Variants in ZNF777 observed in about 807,000 individuals in gnomAD.
ZNF777 encodes the protein zinc finger protein 777.
Under a neutral mutation model 72.1 loss-of-function variants are expected in ZNF777, and 7 were observed. That is an observed-to-expected ratio of 0.10 (90% CI 0.06 to 0.18). ZNF777 has a LOEUF of 0.18. ZNF777 is among the 10% of genes least tolerant of loss of function. The probability of loss-of-function intolerance (pLI) is 1.00; values close to 1 mark genes in which losing one functional copy is unlikely to be tolerated. For synonymous variants in ZNF777, 545 were observed against 483.5 expected, an observed-to-expected ratio of 1.13 and a Z score of -1.67; for missense variants, 828 against 1,128.6, an observed-to-expected ratio of 0.73 and a Z score of 3.82.
At position 149,455,398 on chromosome 7, in the gene ZNF777, G is replaced by C. The variant is rs765958581; in HGVS notation, c.625C>G (p.Leu209Val). 4.3e-6 allele frequency: 7 copies of C among 1,614,102 alleles called. No individual in the cohort carries two copies. In the African/African-American group the frequency reaches 8.0e-5, roughly 18 times the overall value. The stretch of plus-strand genomic sequence containing the variant: ...TCATTTGTCCCCGTCCTGCCTTCCA[G>C]GGTCAGTAGCCTCATGGCCTGGGCC... ...LEAQAMRLLTLEGRTGTNEKK... is the reference protein window; with the variant it reads ...LEAQAMRLLTVEGRTGTNEKK... The change falls in exon 2 of 6, where the codon CTG becomes GTG. Residue 209 changes from leucine to valine, a missense_variant. Around this residue, in one of 12 missense-constraint regions of ZNF777, gnomAD observed 76 missense variants for 157.3 expected, o/e 0.48. Coordinates refer to ENST00000247930, the MANE Select transcript of ZNF777 (RefSeq NM_015694.3). This position sits in a 1 kb window ranked among gnomAD's most constrained non-coding sequence, Gnocchi z 4.2.
chr7:149,434,630 T>G (rs1799382038), intron 5 of ZNF777, among the ~76,000 whole-genome samples: 1 of 152,232 alleles, frequency 6.6e-6, no homozygotes, highest in Non-Finnish European at 1.5e-5. Flanking sequence ...TCGCTCAGGC[T>G]GGAGTGCAGT....
intron 4 of ZNF777, among the ~76,000 whole-genome samples, chr7:149,442,294 CACACACACAG>C (rs1368889170): frequency 4.0e-5 from 6 of 149,926 alleles, no homozygotes; most frequent in Non-Finnish European, 7.4e-5. Context: ...CACACACACA[CACACACACAG>C]ACACACACAC....
In ZNF777 at chr7:149,448,528, CATATAGTTA is replaced by C. The variant is rs1799650945; in HGVS notation, c.1087+2462_1087+2470del. Among the ~76,000 whole-genome samples the C allele has an allele frequency of 3.4e-5, 4 of 116,696 alleles. No homozygotes were observed. The South Asian group carries it at 1.0e-3, about 30-fold the overall frequency. 76.6% of individuals were successfully genotyped at this position (116,696 alleles called of 152,430 possible). On this transcript the variant is annotated intron_variant, in intron 4 of 5. Transcript: ENST00000247930. ...ATATATATAACTATATATAGTTATA[CATATAGTTA>C]TATATATAGTTATACATATAGTTAT...
chr7:149,452,598 A>C (rs1176337522), intron 3 of ZNF777, among the ~76,000 whole-genome samples: 1 of 150,010 alleles, frequency 6.7e-6, no homozygotes, highest in Non-Finnish European at 1.5e-5. Flanking sequence ...GTGCCACTGC[A>C]CTCCAGCCTG....
intron 4 of ZNF777, among the ~76,000 whole-genome samples, chr7:149,447,501 C>G (rs1416798657): frequency 6.6e-6 from 1 of 152,332 alleles, no homozygotes; most frequent in East Asian, 1.9e-4. Flanking sequence ...TGGGGGCCAC[C>G]CTTAGCACCT....
chr7:149,435,896 T>G (rs1290857436), intron 5 of ZNF777, among the ~76,000 whole-genome samples: 1 of 152,200 alleles, frequency 6.6e-6, no homozygotes, highest in Admixed American at 6.5e-5. Flanking sequence ...CTAACTTGAG[T>G]AAAATATTTA....
chr7:149,441,021 C>T (rs1395289201), intron 4 of ZNF777, among the ~76,000 whole-genome samples: 2 of 152,156 alleles, frequency 1.3e-5, no homozygotes, highest in African/African-American at 4.8e-5. Flanking sequence ...CTTTGTGGCA[C>T]ATACTCTACT....
rs1161365875 is a variant in ZNF777 at position 149,431,694 on chromosome 7, G to A, written c.*82C>T. The A allele has an allele frequency of 6.1e-6, 7 of 1,150,012 alleles. No homozygotes were observed. Among genetic ancestry groups the A allele is most frequent in the Admixed American group, 5.5e-5 (1 of 18,254 alleles). The allele number at this position is 1,150,012 out of a possible 1,614,324, so 71.2% of individuals were successfully genotyped here. A position where few individuals can be genotyped will look rare whatever the true frequency, so the allele number is the denominator to read the frequency against. On this transcript the variant is annotated 3_prime_UTR_variant, in exon 6 of 6. Transcript: ENST00000247930. Reference sequence around the variant, plus strand: ...AGGGGCTGGGGGGCGCCCCGCCCCCGCCCGCTGGGCTCGGGCCTGGCGGTG... The same window carrying A: ...AGGGGCTGGGGGGCGCCCCGCCCCCACCCGCTGGGCTCGGGCCTGGCGGTG...
intron 4 of ZNF777, among the ~76,000 whole-genome samples, chr7:149,449,453 A>G (rs904870139): frequency 2.6e-5 from 4 of 152,234 alleles, no homozygotes; most frequent in Admixed American, 2.6e-4. Context: ...AAAAGCAGAC[A>G]GAGAAAGGGG....
chr7:149,458,393 C>T (rs1799874127), intron 1 of ZNF777, among the ~76,000 whole-genome samples: 1 of 152,072 alleles, frequency 6.6e-6, no homozygotes, highest in Admixed American at 6.6e-5. Context: ...CAGCCCTTGC[C>T]TTAGAGGGAG....
In ZNF777 at chr7:149,455,102, ATATTACAC is replaced by A; in HGVS notation, c.846+67_846+74del. ...CCTTTATCAACCACCCCTTTCTTTC[ATATTACAC>A]TACATTCCTAAACCACACTCCAATT... On this transcript the variant is annotated intron_variant, in intron 2 of 5. Coordinates refer to ENST00000247930, the MANE Select transcript of ZNF777 (RefSeq NM_015694.3). The surrounding 1 kb of genome is among the most constrained non-coding windows in gnomAD (Gnocchi z 4.2). The A allele has an allele frequency of 6.6e-7, 1 of 1,511,118 alleles. No individual in the cohort carries two copies. The highest frequency in any genetic ancestry group is 1.3e-5 in the South Asian group (1 of 74,756). The allele number at this position is 1,511,118 out of a possible 1,614,324, so 93.6% of individuals were successfully genotyped here.
chr7:149,441,942 C>T (rs1799524015), intron 4 of ZNF777, among the ~76,000 whole-genome samples: 1 of 151,902 alleles, frequency 6.6e-6, no homozygotes, highest in African/African-American at 2.4e-5. Context: ...AATATTTCTA[C>T]ACTTGATACG....
rs540653810 is a variant in ZNF777 at position 149,431,752 on chromosome 7, GGGC to G, written c.*21_*23del. The G allele has an allele frequency of 2.1e-4, 300 of 1,426,024 alleles. No individual in the cohort carries two copies. Among genetic ancestry groups the G allele is most frequent in the Admixed American group, 9.5e-4 (32 of 33,842 alleles). The allele number at this position is 1,426,024 out of a possible 1,614,324, so 88.3% of individuals were successfully genotyped here. A position where few individuals can be genotyped will look rare whatever the true frequency, so the allele number is the denominator to read the frequency against. On this transcript the variant is annotated 3_prime_UTR_variant, in exon 6 of 6. Transcript: ENST00000247930. The stretch of plus-strand genomic sequence containing the variant: ...GGGGGCACGGCCCGCGCACCTGGCC[GGGC>G]GGCGGCGGCGGGGCGCGCGCTCACT...
At chr7:149,459,787 C>T (rs1799909911) in intron 1 of ZNF777, 1 of 984,928 alleles carries the variant, frequency 1.0e-6, no homozygotes, top group Non-Finnish European at 1.2e-6. Flanking sequence ...GGGCCGAGCT[C>T]TGCGGAAAAC....
chr7:149,449,149 G>A (rs189662987), intron 4 of ZNF777, among the ~76,000 whole-genome samples: 23 of 152,310 alleles, frequency 1.5e-4, no homozygotes, highest in Admixed American at 2.6e-4. Flanking sequence ...TGGCGAGGCC[G>A]GGGCCTTTGG....
chr7:149,448,477 A>T (rs1217342630), intron 4 of ZNF777, among the ~76,000 whole-genome samples: 1 of 85,308 alleles, frequency 1.2e-5, no homozygotes, highest in Non-Finnish European at 2.3e-5. Context: ...CTCAAAAACA[A>T]AACAAAACTA....
chr7:149,450,960 TC>T (rs1167399373), intron 4 of ZNF777, 38 bp downstream of exon 4: 1 of 1,560,214 alleles, frequency 6.4e-7, no homozygotes, highest in African/African-American at 1.4e-5. Flanking sequence ...TACTGAAAGA[TC>T]TAGAATGCAG....
At chr7:149,440,521 C>A (rs1471226186) in intron 4 of ZNF777, among the ~76,000 whole-genome samples, 1 of 152,036 alleles carries the variant, frequency 6.6e-6, no homozygotes, top group Non-Finnish European at 1.5e-5. Context: ...CCATGCCCAG[C>A]TAATTTTTAA....
rs1347523747 is a variant in ZNF777, at chr7:149,436,037, G to A, written c.1339+538C>T. 1.3e-5 allele frequency among the ~76,000 whole-genome samples: 2 copies of A among 152,230 alleles called. No homozygotes were observed. The highest frequency in any genetic ancestry group is 2.9e-5 in the Non-Finnish European group (2 of 68,038). ...ATGTCCTGGGATCAGGCCACCGTGA[G>A]CCCCAGTGCCTTACTGTTCTTGAAC... On this transcript the variant is annotated intron_variant, in intron 5 of 5. Coordinates refer to ENST00000247930, the MANE Select transcript of ZNF777 (RefSeq NM_015694.3). This position sits in a 1 kb window ranked among gnomAD's most constrained non-coding sequence, Gnocchi z 5.0.
Sources: gnomAD v4.1 joint callset for allele counts (sites outside exome capture counted in the v4.1 genomes callset) on GRCh38, gnomAD v4.1.1 for gene constraint, gnomAD v4.1.1 regional missense constraint, Gnocchi (gnomAD v3.1) non-coding constraint, MANE v1.5 for transcripts, NCBI Gene and HGNC (gene_info 2026-07-23, HGNC 2026-07-21) for gene names.